Variants in GZF1 observed in about 807,000 individuals in gnomAD.
GZF1 encodes the protein GDNF-inducible zinc finger protein 1.
Under a neutral mutation model 49.4 loss-of-function variants are expected in GZF1, and 28 were observed. The observed-to-expected ratio is 0.57, with a 90% CI of 0.42 to 0.78. The LOEUF (loss-of-function observed/expected upper bound fraction) is 0.78. Among genes scored for constraint, GZF1 ranks in the 30% least tolerant of loss-of-function variants. GZF1 has a pLI of 0.00. For missense variants in GZF1, 798 were observed against 916.2 expected (o/e 0.87, Z 1.67); for synonymous variants, 364 against 356.0 (o/e 1.02, Z -0.25).
At position 23,365,186 on chromosome 20, in the gene GZF1, G is replaced by T. The variant is rs943939469; in HGVS notation, c.803G>T (p.Arg268Met). 5.0e-6 allele frequency: 8 copies of T among 1,609,104 alleles called. 1 individual carries two copies. The South Asian group carries it at 8.8e-5, about 18-fold the overall frequency. The stretch of plus-strand genomic sequence containing the variant: ...TGTCCCCAGGACCAAAGCCCGGACA[G>T]GGTGGGCACGGAGATGGAGCAGGTT... ...YRCPQDQSPD[R>M]VGTEMEQVSK... The change falls in exon 2 of 6, where the codon AGG (arginine) becomes ATG (methionine). Residue 268 changes from arginine (R) to methionine (M), a missense_variant. Around this residue, in one of 3 missense-constraint regions of GZF1, gnomAD observed 247 missense variants for 228.5 expected, o/e 1.08. Coordinates refer to ENST00000338121, the MANE Select transcript of GZF1 (RefSeq NM_022482.5).
intron 4 of GZF1, 74 bp downstream of exon 4, chr20:23,369,003 A>G (rs1981741306): frequency 7.5e-7 from 1 of 1,331,792 alleles, no homozygotes; most frequent in Admixed American, 2.3e-5. Flanking sequence ...TAGATTTACC[A>G]GTAAATTACT....
rs770783064 is a variant in GZF1 at position 23,366,628 on chromosome 20, T to C, written c.1365-375T>C. ...CATGTGACACTTAATCAGCAGTAGT[T>C]CCTAAGGTGTTTGTGGCTGATTATT... On this transcript the variant is annotated intron_variant, in intron 2 of 5. Transcript: ENST00000338121. Among the ~76,000 whole-genome samples, 7 of 152,324 alleles carry C rather than the reference T, an allele frequency of 4.6e-5. No homozygotes were observed. In the South Asian group the frequency reaches 1.2e-3, roughly 27 times the overall value.
chr20:23,365,989 C>G (rs1282933046), intron 2 of GZF1, among the ~76,000 whole-genome samples: 1 of 152,244 alleles, frequency 6.6e-6, no homozygotes, highest in East Asian at 1.9e-4. Context: ...GGGACCGCGA[C>G]AGCGGCCGCG....
chr20:23,369,046 C>T, intron 4 of GZF1, 117 bp downstream of exon 4: 2 of 798,198 alleles, frequency 2.5e-6, no homozygotes, highest in Non-Finnish European at 3.9e-6. Context: ...ACTGGCCAAA[C>T]TTTGTATGTC....
intron 1 of GZF1, among the ~76,000 whole-genome samples, chr20:23,364,063 C>T (rs1035446720): frequency 6.6e-6 from 1 of 152,200 alleles, no homozygotes; most frequent in Admixed American, 6.5e-5. Flanking sequence ...AGACAGTGAC[C>T]TTGGTGAGCA....
In GZF1 at chr20:23,371,253, G is replaced by A. The variant is rs1171390341; in HGVS notation, c.*812G>A. On this transcript the variant is annotated 3_prime_UTR_variant, in exon 6 of 6. Coordinates refer to ENST00000338121, the MANE Select transcript of GZF1 (RefSeq NM_022482.5). ...TTGCAGAGGCATGAAAAATTAAGAC[G>A]CTTTAGAGTACTTGAAAGTTGTGTA... The A allele has an allele frequency of 6.6e-6, 1 of 152,570 alleles. No individual in the cohort carries two copies. The highest frequency in any genetic ancestry group is 2.4e-5 in the African/African-American group (1 of 41,418). The allele number at this position is 152,570 out of a possible 1,614,324, so 9.5% of individuals were successfully genotyped here.
rs904256185 is a variant in GZF1, at chr20:23,365,537, A to T, written c.1154A>T (p.Lys385Met). The change falls in exon 2 of 6, where the codon AAG (lysine) becomes ATG (methionine). Residue 385 changes from lysine (K) to methionine (M), a missense_variant. Physicochemically the swap from Lys to Met is moderately conservative, Grantham distance 95. Transcript: ENST00000338121. ...TTCCCATGCGAGCTGTGCGGGAAGA[A>T]GTTCAAGCGCAAGAAGGACGTGAAG... ...RHFPCELCGK[K>M]FKRKKDVKRH... 3 of 1,613,306 alleles carry T rather than the reference A, an allele frequency of 1.9e-6. No homozygotes were observed. The East Asian group carries it at 6.7e-5, about 36-fold the overall frequency.
chr20:23,370,422 CTT>C lies in GZF1; in HGVS notation c.2119_2120del (p.Leu707GlufsTer20), dbSNP rs780416217. 5 of 1,610,734 alleles carry C rather than the reference CTT, an allele frequency of 3.1e-6. No individual in the cohort carries two copies. The highest frequency in any genetic ancestry group is 1.7e-6 in the Non-Finnish European group (2 of 1,177,022). On this transcript the variant is annotated frameshift_variant, in exon 6 of 6. Transcript: ENST00000338121. LOFTEE classifies it high-confidence loss of function. ...GACTCGATGCCCACACAGCTTCACT[CTT>C]TGAGCAACATGGAATAAGAGCTTCA...
At position 23,367,026 on chromosome 20, in the gene GZF1, T is replaced by A. The variant is rs781593849; in HGVS notation, c.1388T>A (p.Phe463Tyr). The A allele has an allele frequency of 1.1e-5, 17 of 1,612,874 alleles. No homozygotes were observed. Among genetic ancestry groups the A allele is most frequent in the Non-Finnish European group, 1.4e-5 (17 of 1,179,326 alleles). ...AGAATTCATACAGGGGAAAAACCTT[T>A]TGTCTGTGATGAATGTGGTGCAAGA... ...HMRIHTGEKPFVCDECGARFT... is the reference protein window; with the variant it reads ...HMRIHTGEKPYVCDECGARFT... Residue 463 changes from phenylalanine to tyrosine, a missense_variant, in exon 3 of 6, where the codon TTT becomes TAT. Physicochemically the swap from Phe to Tyr is conservative, Grantham distance 22. Around this residue, in one of 3 missense-constraint regions of GZF1, gnomAD observed 446 missense variants for 540.1 expected, o/e 0.83. Transcript: ENST00000338121.
chr20:23,369,843 C>T, intron 5 of GZF1, 102 bp downstream of exon 5: 2 of 1,280,840 alleles, frequency 1.6e-6, no homozygotes, highest in African/African-American at 3.0e-5. Flanking sequence ...GAGGTCGAGA[C>T]AACAGGTACT....
At chr20:23,368,121 T>A (rs1981620076) in intron 3 of GZF1, among the ~76,000 whole-genome samples, 2 of 152,228 alleles carry the variant, frequency 1.3e-5, no homozygotes, top group Admixed American at 1.3e-4. Context: ...AAAGAAAGCT[T>A]GGGATTGGGG....
chr20:23,368,454 G>T (rs1045740804), intron 3 of GZF1, among the ~76,000 whole-genome samples: 7 of 152,196 alleles, frequency 4.6e-5, no homozygotes, highest in Admixed American at 1.3e-4. Context: ...AACAGAAGTT[G>T]TGAAATTATT....
In GZF1 at chr20:23,365,727, C is replaced by T. The variant is rs757112040; in HGVS notation, c.1344C>T (p.Ser448=). Reference sequence around the variant, plus strand: ...GCGGCGCCAGGTTCTCGCAGCCGTCCGCGCTCAAGACGCACATGAGGTACG... The same window carrying T: ...GCGGCGCCAGGTTCTCGCAGCCGTCTGCGCTCAAGACGCACATGAGGTACG... The part of the protein sequence containing the change: ...TECGARFSQP[S]ALKTHMRIHT... The change falls in exon 2 of 6, where the codon TCC becomes TCT. Residue 448 remains serine (S), a synonymous_variant. Transcript: ENST00000338121. The T allele has an allele frequency of 6.5e-7, 1 of 1,546,222 alleles. No individual in the cohort carries two copies. Among genetic ancestry groups the T allele is most frequent in the South Asian group, 1.2e-5 (1 of 82,906 alleles).
In GZF1 at chr20:23,368,696, G is replaced by A. The variant is rs558227206; in HGVS notation, c.1460-66G>A. On this transcript the variant is annotated intron_variant, in intron 3 of 5. Transcript: ENST00000338121. ...AGTTCACGTGGGTTTTAACAGTGGA[G>A]ACCTACTGTTCCATGTGTTTTTAAT... is the stretch of plus-strand genomic sequence containing the variant. 1.7e-4 allele frequency: 220 copies of A among 1,265,600 alleles called. 5 individuals are homozygous for A. The South Asian group carries it at 3.9e-3, about 22-fold the overall frequency. 78.4% of individuals were successfully genotyped at this position (1,265,600 alleles called of 1,614,324 possible). A position where few individuals can be genotyped will look rare whatever the true frequency, so the allele number is the denominator to read the frequency against.
At chr20:23,364,122 T>C (rs770604951) in intron 1 of GZF1, among the ~76,000 whole-genome samples, 15 of 152,270 alleles carry the variant, frequency 9.9e-5, no homozygotes, top group Non-Finnish European at 1.9e-4. Flanking sequence ...ATCATTTGTT[T>C]ATCACTGGAG....
intron 5 of GZF1, 110 bp downstream of exon 5, chr20:23,369,851 A>G (rs1981867795): frequency 8.2e-7 from 1 of 1,221,280 alleles, no homozygotes; most frequent in Non-Finnish European, 1.1e-6. Context: ...GACAACAGGT[A>G]CTTTCTCCTT....
In GZF1 at chr20:23,370,615, T is replaced by C. The variant is rs1315576910; in HGVS notation, c.*174T>C. ...GGCTTTATCACAGCATTTTTAAAGC[T>C]TTCCCTCAAAAATCCTGATCTGCAT... On this transcript the variant is annotated 3_prime_UTR_variant, in exon 6 of 6. Coordinates refer to ENST00000338121, the MANE Select transcript of GZF1 (RefSeq NM_022482.5). 5.0e-6 allele frequency: 3 copies of C among 596,352 alleles called. No individual in the cohort carries two copies. Among genetic ancestry groups the C allele is most frequent in the East Asian group, 5.6e-5 (2 of 35,572 alleles). The allele number at this position is 596,352 out of a possible 1,614,324, so 36.9% of individuals were successfully genotyped here. A position where few individuals can be genotyped will look rare whatever the true frequency, so the allele number is the denominator to read the frequency against.
At position 23,368,936 on chromosome 20, in the gene GZF1, T is replaced by C. The variant is rs1168455871; in HGVS notation, c.1627+7T>C. ...CATATTAAAGTCCACACAGGTATGGTTGGAATGTCCCAGGGAAGGGAGTTT... is the reference window on the plus strand; with the variant it reads ...CATATTAAAGTCCACACAGGTATGGCTGGAATGTCCCAGGGAAGGGAGTTT... On this transcript the variant is annotated splice_region_variant and intron_variant, in intron 4 of 5. Transcript: ENST00000338121. 2.6e-5 allele frequency: 41 copies of C among 1,602,608 alleles called. No homozygotes were observed. Among genetic ancestry groups the C allele is most frequent in the Non-Finnish European group, 3.1e-5 (36 of 1,174,824 alleles).
At chr20:23,361,384 T>G (rs1980638162), upstream of GZF1, among the ~76,000 whole-genome samples, 1 of 152,084 alleles carries the variant, frequency 6.6e-6, no homozygotes, top group African/African-American at 2.4e-5. Context: ...TTTCGAGGAG[T>G]CAGCGAATCT....
Sources: gnomAD v4.1 joint callset for allele counts (sites outside exome capture counted in the v4.1 genomes callset) on GRCh38, gnomAD v4.1.1 for gene constraint, gnomAD v4.1.1 regional missense constraint, MANE v1.5 for transcripts, NCBI Gene and HGNC (gene_info 2026-07-23, HGNC 2026-07-21) for gene names.